Variants in ANKRD26 observed in about 807,000 individuals in gnomAD.
ANKRD26 encodes the protein ankyrin repeat domain 26.
ANKRD26 carries 141 observed loss-of-function variants against 208.7 expected under a neutral mutation model. That is an observed-to-expected ratio of 0.68 (90% CI 0.59 to 0.78). The LOEUF is 0.78. ANKRD26 is among the 30% of genes least tolerant of loss of function. The probability of loss-of-function intolerance (pLI) is 0.00; values close to 1 mark genes in which losing one functional copy is unlikely to be tolerated. For missense variants in ANKRD26, 1,889 were observed against 1,938.7 expected (o/e 0.97, Z 0.48); for synonymous variants, 636 against 660.4 (o/e 0.96, Z 0.57).
At chr10:27,019,308 A>T (rs1039468551) in intron 29 of ANKRD26, among the ~76,000 whole-genome samples, 2 of 152,098 alleles carry the variant, frequency 1.3e-5, no homozygotes, top group Admixed American at 1.3e-4. Context: ...GTAATAAAAA[A>T]TAAAGATGGG....
intron 28 of ANKRD26, among the ~76,000 whole-genome samples, chr10:27,023,880 T>A (rs1041250295): frequency 4.6e-5 from 7 of 152,040 alleles, no homozygotes; most frequent in Non-Finnish European, 8.8e-5. Context: ...GAGGCATATA[T>A]GTTTTAAAAC....
chr10:27,096,352 T>C (rs758776313), intron 1 of ANKRD26, among the ~76,000 whole-genome samples: 4 of 152,242 alleles, frequency 2.6e-5, no homozygotes, highest in Non-Finnish European at 5.9e-5. Flanking sequence ...ACAGCACTTA[T>C]ATACATATAT....
intron 1 of ANKRD26, among the ~76,000 whole-genome samples, chr10:27,097,603 G>A (rs1252157886): frequency 6.6e-6 from 1 of 151,946 alleles, no homozygotes; most frequent in Non-Finnish European, 1.5e-5. Flanking sequence ...ATAAAGTAGA[G>A]TAATTCTTTT....
intron 11 of ANKRD26, among the ~76,000 whole-genome samples, chr10:27,065,944 C>A (rs1032523619): frequency 1.5e-5 from 2 of 134,830 alleles, no homozygotes; most frequent in Admixed American, 1.7e-4. Context: ...CAGCTCACTA[C>A]AACCTCTGCC....
chr10:26,952,837 T>C, the ANKRD26 span, among the ~76,000 whole-genome samples: 4 of 152,194 alleles, frequency 2.6e-5, no homozygotes, highest in African/African-American at 9.7e-5. Flanking sequence ...TTAAAAACAT[T>C]ATCTGAGTTA....
Position 27,067,224 on chromosome 10 carries a change from A to G in ANKRD26, c.1140T>C (p.Ala380=). 3 of 1,613,754 alleles carry G rather than the reference A, an allele frequency of 1.9e-6. No individual in the cohort carries two copies. Among genetic ancestry groups the G allele is most frequent in the East Asian group, 4.5e-5 (2 of 44,876 alleles). ...TGTCATTATTTGTTTGCTCTAGTGGAGCACTTTCAATAATATCAATACCAT... is the reference window on the plus strand; with the variant it reads ...TGTCATTATTTGTTTGCTCTAGTGGGGCACTTTCAATAATATCAATACCAT... The part of the protein sequence containing the change: ...KENGIDIIES[A]PLEQTNNDNL... Residue 380 remains alanine, a synonymous_variant, in exon 10 of 34, where the codon GCT becomes GCC. Coordinates refer to ENST00000376087, the MANE Select transcript of ANKRD26 (RefSeq NM_014915.3).
At chr10:27,097,320 A>C (rs1003081975) in intron 1 of ANKRD26, among the ~76,000 whole-genome samples, 23 of 22,316 alleles carry the variant, frequency 1.0e-3, no homozygotes, top group African/African-American at 3.3e-3. Flanking sequence ...CTAGAAATAC[A>C]AAAAAAAAAA....
chr10:26,988,385 A>G (rs1487959783), downstream of ANKRD26, among the ~76,000 whole-genome samples: 1 of 152,154 alleles, frequency 6.6e-6, no homozygotes, highest in African/African-American at 2.4e-5. Context: ...GTTTGAGTAA[A>G]TATGAAATAT....
At chr10:26,963,392 A>G in the ANKRD26 span, among the ~76,000 whole-genome samples, 1 of 152,154 alleles carries the variant, frequency 6.6e-6, no homozygotes, top group East Asian at 1.9e-4. Flanking sequence ...TGCTCCCCCT[A>G]CCAGACTGTA....
At chr10:26,981,824 T>A (rs2052313444) in intron 4 of ANKRD26, among the ~76,000 whole-genome samples, 1 of 152,134 alleles carries the variant, frequency 6.6e-6, no homozygotes, top group South Asian at 2.1e-4. Context: ...GGGCAATTAC[T>A]CCCTGAACTA....
chr10:27,007,075 A>C (rs2134811459), intron 32 of ANKRD26, 113 bp from the exon 33 acceptor site: 1 of 696,638 alleles, frequency 1.4e-6, no homozygotes. Context: ...GACTACACTT[A>C]ACTTGATTGC....
At position 27,100,420 on chromosome 10, in the gene ANKRD26, G is replaced by GCA; in HGVS notation, c.-96_-95dup. The GCA allele has an allele frequency of 6.5e-7, 1 of 1,546,724 alleles. No homozygotes were observed. The highest frequency in any genetic ancestry group is 1.2e-5 in the South Asian group (1 of 85,268). On this transcript the variant is annotated 5_prime_UTR_variant, in exon 1 of 34. Coordinates refer to ENST00000376087, the MANE Select transcript of ANKRD26 (RefSeq NM_014915.3). The stretch of plus-strand genomic sequence containing the variant: ...CATAACAAGTCAGCCCCGGCTGGCC[G>GCA]CAGCCTCCCAAAGGAAACTCCGCGG...
rs1322232980 is a variant in ANKRD26, at chr10:27,022,620, G to A, written c.4153C>T (p.His1385Tyr). 6.4e-7 allele frequency: 1 copy of A among 1,566,378 alleles called. No homozygotes were observed. Among genetic ancestry groups the A allele is most frequent in the Non-Finnish European group, 8.8e-7 (1 of 1,141,906 alleles). ...NEYENGEFSF[H>Y]GDLKTSQFEM... ...AATTGACTAGTTTTTAAATCTCCAT[G>A]GAAACTAAATTCTCCATTTTCATAT... The change falls in exon 29 of 34, where the codon CAT becomes TAT. Residue 1385 changes from histidine (H) to tyrosine (Y), a missense_variant. Physicochemically the swap from His to Tyr is moderately conservative, Grantham distance 83. Transcript: ENST00000376087.
At chr10:27,095,767 T>A (rs377176998) in intron 1 of ANKRD26, among the ~76,000 whole-genome samples, 2 of 152,310 alleles carry the variant, frequency 1.3e-5, no homozygotes, top group East Asian at 3.9e-4. Flanking sequence ...TGGGCAGGTA[T>A]GCAAACATAA....
At chr10:27,039,012 G>T (rs1222910954) in intron 21 of ANKRD26, among the ~76,000 whole-genome samples, 2 of 152,066 alleles carry the variant, frequency 1.3e-5, no homozygotes, top group Non-Finnish European at 2.9e-5. Context: ...AACAAAACAG[G>T]ATCTAATATT....
At chr10:26,952,740 G>A in the ANKRD26 span, among the ~76,000 whole-genome samples, 1 of 152,160 alleles carries the variant, frequency 6.6e-6, no homozygotes, top group African/African-American at 2.4e-5. Context: ...CTAAACTCTT[G>A]AGAAAAAACA....
rs143174578 is a variant in ANKRD26, at chr10:27,057,999, C to T, written c.1564+2346G>A. On this transcript the variant is annotated intron_variant, in intron 15 of 33. Coordinates refer to ENST00000376087, the MANE Select transcript of ANKRD26 (RefSeq NM_014915.3). Reference sequence around the variant, plus strand: ...GCCTTAAGTGACCTAATTGTTCCCACGTGAAAATAAATCTAGGTGCACACT... The same window carrying T: ...GCCTTAAGTGACCTAATTGTTCCCATGTGAAAATAAATCTAGGTGCACACT... Among the ~76,000 whole-genome samples the T allele has an allele frequency of 4.2e-3, 639 of 151,198 alleles. 2 individuals are homozygous for T. The highest frequency in any genetic ancestry group is 0.017 in the South Asian group (79 of 4,786).
intron 11 of ANKRD26, 24 bp downstream of exon 11, chr10:27,066,462 TA>T: frequency 6.5e-7 from 1 of 1,539,782 alleles, no homozygotes. Flanking sequence ...TATTTTAAAA[TA>T]ATAGTAACAA....
chr10:27,003,439 C>A (rs1054592396), downstream of ANKRD26, among the ~76,000 whole-genome samples: 1 of 152,136 alleles, frequency 6.6e-6, no homozygotes. Context: ...TTGATTCAAG[C>A]ACAAATCACC....
Sources: allele counts gnomAD v4.1 joint callset (sites outside exome capture counted in the v4.1 genomes callset), GRCh38; gene constraint gnomAD v4.1.1; transcripts MANE v1.5; gene names NCBI Gene and HGNC (gene_info 2026-07-23, HGNC 2026-07-21).